The following PCDHGB3 variants were observed in gnomAD, a reference collection of about 807,000 sequenced individuals.
PCDHGB3 encodes the protein protocadherin gamma-B3.
In PCDHGB3, 40 loss-of-function variants were observed where a neutral mutation model predicts 59.2. That is an observed-to-expected ratio of 0.68 (90% CI 0.52 to 0.88). PCDHGB3 has a LOEUF of 0.88. Ranked by LOEUF, PCDHGB3 falls within the 40% of genes least tolerant of loss-of-function variation. PCDHGB3 has a pLI of 0.00. For missense variants in PCDHGB3, 1,309 were observed against 1,187.9 expected (o/e 1.10, Z -1.50); for synonymous variants, 581 against 503.6 (o/e 1.15, Z -2.06).
chr5:141,386,174 A>G (rs2090487407), intron 1 of PCDHGB3, among the ~76,000 whole-genome samples: 1 of 152,240 alleles, frequency 6.6e-6, no homozygotes, highest in South Asian at 2.1e-4. Flanking sequence ...ACCTTAGACC[A>G]TCTTATGTAC....
At position 141,431,141 on chromosome 5, in the gene PCDHGB3, G is replaced by C. The variant is rs1262504427; in HGVS notation, c.2415+58332G>C. 1 of 1,614,094 alleles carries C rather than the reference G, an allele frequency of 6.2e-7. No individual in the cohort carries two copies. The highest frequency in any genetic ancestry group is 2.2e-5 in the East Asian group (1 of 44,896). On this transcript the variant is annotated intron_variant, in intron 1 of 3. Coordinates refer to ENST00000576222, the MANE Select transcript of PCDHGB3 (RefSeq NM_018924.5). The surrounding 1 kb of genome is among the most constrained non-coding windows in gnomAD (Gnocchi z 4.8). The stretch of plus-strand genomic sequence containing the variant: ...AGAAGTAGAAGTAAGGGACATTAAC[G>C]ACAATGCGCCTTACTTTCGTGAAAG...
rs1307889557 is a variant in PCDHGB3, at chr5:141,486,267, C to G, written c.2416-8540C>G. On this transcript the variant is annotated intron_variant, in intron 1 of 3. Transcript: ENST00000576222. The surrounding 1 kb of genome is among the most constrained non-coding windows in gnomAD (Gnocchi z 5.0). ...GGAACCCTCCCCGAGAGTGCAGAAC[C>G]TGGCACTGTGGTGGCACTTATCAGT... 1 of 1,614,128 alleles carries G rather than the reference C, an allele frequency of 6.2e-7. No homozygotes were observed. Among genetic ancestry groups the G allele is most frequent in the South Asian group, 1.1e-5 (1 of 91,072 alleles).
intron 1 of PCDHGB3, chr5:141,383,053 C>G: frequency 6.2e-7 from 1 of 1,613,896 alleles, no homozygotes; most frequent in South Asian, 1.1e-5. Context: ...CGCCAAGGAC[C>G]TGGGGCTGGA....
chr5:141,449,095 T>C (rs2098628347), intron 1 of PCDHGB3, among the ~76,000 whole-genome samples: 1 of 152,204 alleles, frequency 6.6e-6, no homozygotes. Flanking sequence ...AGTTTTTACA[T>C]ATGCAGTATA....
intron 1 of PCDHGB3, chr5:141,393,188 T>C: frequency 6.2e-7 from 1 of 1,613,358 alleles, no homozygotes; most frequent in South Asian, 1.1e-5. Context: ...AAATAATTGA[T>C]ATTAACGATA....
At chr5:141,378,267 G>C (rs747573302) in intron 1 of PCDHGB3, 4 of 152,292 alleles carry the variant, frequency 2.6e-5, no homozygotes, top group Non-Finnish European at 5.9e-5. Context: ...GCTCATGCCT[G>C]TAATCCCAAC....
chr5:141,404,722 G>C (rs1335640902), intron 1 of PCDHGB3: 2 of 1,614,138 alleles, frequency 1.2e-6, no homozygotes, highest in South Asian at 1.1e-5. Flanking sequence ...TGGTGACCAA[G>C]GTGGTGGCAG....
At position 141,489,888 on chromosome 5, in the gene PCDHGB3, T is replaced by TG. The variant is rs759744295; in HGVS notation, c.2416-4913dup. On this transcript the variant is annotated intron_variant, in intron 1 of 3. Coordinates refer to ENST00000576222, the MANE Select transcript of PCDHGB3 (RefSeq NM_018924.5). The surrounding 1 kb of genome is among the most constrained non-coding windows in gnomAD (Gnocchi z 4.5). ...ATCAGCTGGTGCTTACTGCTGTGGATGGGGGGACCCCAGCCCGCTCAGGGA... is the reference window on the plus strand; with the variant it reads ...ATCAGCTGGTGCTTACTGCTGTGGATGGGGGGGACCCCAGCCCGCTCAGGGA... 6.4e-5 allele frequency: 103 copies of TG among 1,614,088 alleles called. No individual in the cohort carries two copies. Among genetic ancestry groups the TG allele is most frequent in the Non-Finnish European group, 8.6e-5 (101 of 1,180,048 alleles).
At chr5:141,413,090 C>A in intron 1 of PCDHGB3, 2 of 1,391,312 alleles carry the variant, frequency 1.4e-6, no homozygotes, top group Non-Finnish European at 1.9e-6. Flanking sequence ...ACAGAGACAC[C>A]CTGAAGCCAC....
intron 1 of PCDHGB3, among the ~76,000 whole-genome samples, chr5:141,457,278 C>T (rs1446074161): frequency 6.6e-6 from 1 of 152,196 alleles, no homozygotes; most frequent in Non-Finnish European, 1.5e-5. Flanking sequence ...TGTGGGCCTA[C>T]GAAGTTCCTT....
chr5:141,386,593 A>G (rs1350788918), intron 1 of PCDHGB3, among the ~76,000 whole-genome samples: 3 of 151,446 alleles, frequency 2.0e-5, no homozygotes, highest in African/African-American at 7.3e-5. Context: ...TGTGGGGGAT[A>G]CATTTTTTTT....
intron 1 of PCDHGB3, among the ~76,000 whole-genome samples, chr5:141,472,980 C>CAAAAAAAAAAAAAAAAA (rs60579131): frequency 5.8e-5 from 5 of 86,060 alleles, no homozygotes; most frequent in African/African-American, 3.9e-5. Context: ...GAGTGAAACT[C>CAAAAAAAAAAAAAAAAA]AAAAAAAAAA....
At chr5:141,402,361 T>G (rs2094255838) in intron 1 of PCDHGB3, among the ~76,000 whole-genome samples, 1 of 151,992 alleles carries the variant, frequency 6.6e-6, no homozygotes, top group Admixed American at 6.6e-5. Flanking sequence ...ATGAATGTAC[T>G]TCCAAACAAG....
chr5:141,393,072 G>A (rs2092669892), intron 1 of PCDHGB3: 1 of 1,613,680 alleles, frequency 6.2e-7, no homozygotes. Flanking sequence ...CTTGATCACC[G>A]CGGGCAGGAT....
chr5:141,375,059 G>A lies in PCDHGB3; in HGVS notation c.2415+2250G>A. On this transcript the variant is annotated intron_variant, in intron 1 of 3. Transcript: ENST00000576222. ...GGGTGTTGAAGCCCGGGATGGGCCA[G>A]GTCTTCGAGACAGAGCGAAAGTCTT... The A allele has an allele frequency of 2.5e-6, 4 of 1,614,038 alleles. No individual in the cohort carries two copies. The Admixed American group carries it at 6.7e-5, about 27-fold the overall frequency.
At chr5:141,420,462 G>T in intron 1 of PCDHGB3, 2 of 892,618 alleles carry the variant, frequency 2.2e-6, no homozygotes. Context: ...ACTATTCAAA[G>T]ACATTTTAAA....
intron 1 of PCDHGB3, chr5:141,415,232 C>G (rs1329834276): frequency 3.1e-6 from 5 of 1,614,076 alleles, no homozygotes; most frequent in Non-Finnish European, 4.2e-6. Flanking sequence ...GAGTCTCCAG[C>G]TAACTCTGAA....
chr5:141,408,326 G>A, intron 1 of PCDHGB3: 6 of 1,613,904 alleles, frequency 3.7e-6, no homozygotes, highest in Non-Finnish European at 4.2e-6. Context: ...GGAGGAGCTG[G>A]CCAAGGGCTC....
chr5:141,395,548 G>T (rs869036595), intron 1 of PCDHGB3: 6 of 21,284 alleles, frequency 2.8e-4, no homozygotes, highest in African/African-American at 1.1e-3. Context: ...TTGTTTGTGT[G>T]TGTGTGTGTG....
Sources: allele counts gnomAD v4.1 joint callset (sites outside exome capture counted in the v4.1 genomes callset), GRCh38; gene constraint gnomAD v4.1.1; non-coding constraint Gnocchi (gnomAD v3.1); transcripts MANE v1.5; gene names NCBI Gene and HGNC (gene_info 2026-07-23, HGNC 2026-07-21).